Variants in DNAH9 observed in about 807,000 individuals in gnomAD.
The protein encoded by DNAH9 is dynein axonemal heavy chain 9, also known as DNAH9 variant protein.
DNAH9 carries 345 observed loss-of-function variants against 471.6 expected under a neutral mutation model. The observed-to-expected ratio is 0.73, with a 90% confidence interval of 0.67 to 0.80. The LOEUF (loss-of-function observed/expected upper bound fraction) is 0.80. DNAH9 is among the 30% of genes least tolerant of loss of function. The pLI is 0.00. For synonymous variants in DNAH9, 2,093 were observed against 2,123.6 expected (o/e 0.99, Z 0.40); for missense variants, 5,407 against 5,609.2 (o/e 0.96, Z 1.15).
At chr17:11,761,698 G>A (rs182247696) in intron 35 of DNAH9, among the ~76,000 whole-genome samples, 9 of 152,230 alleles carry the variant, frequency 5.9e-5, no homozygotes, top group South Asian at 2.1e-4. Flanking sequence ...AGCAAGTCTC[G>A]GGGGTTTTCC....
At chr17:11,609,082 C>T (rs11078023) in intron 2 of DNAH9, among the ~76,000 whole-genome samples, 56,802 of 152,078 alleles carry the variant, frequency 0.37, 11,829 homozygotes, top group South Asian at 0.62. Flanking sequence ...TGGCAACGGA[C>T]AGCCTTCCTA....
intron 9 of DNAH9, 29 bp downstream of exon 9, chr17:11,636,813 G>C (rs760648273): frequency 6.2e-7 from 1 of 1,606,030 alleles, no homozygotes; most frequent in East Asian, 2.2e-5. Flanking sequence ...ATTTTGATGG[G>C]GACATTCTGT....
chr17:11,608,398 C>A, intron 2 of DNAH9, 73 bp downstream of exon 2: 2 of 1,237,462 alleles, frequency 1.6e-6, no homozygotes, highest in Non-Finnish European at 2.3e-6. Flanking sequence ...GTTTTCCTTA[C>A]AACTTTTCTG....
chr17:11,606,830 A>G (rs867082904), intron 1 of DNAH9, among the ~76,000 whole-genome samples: 1 of 151,814 alleles, frequency 6.6e-6, no homozygotes, highest in Non-Finnish European at 1.5e-5. Context: ...ATCTGTAAGC[A>G]CTCTCCTCTC....
intron 39 of DNAH9, 21 bp from the exon 40 acceptor site, chr17:11,783,625 T>C: frequency 6.2e-7 from 1 of 1,601,890 alleles, no homozygotes; most frequent in African/African-American, 1.3e-5. Flanking sequence ...ACCTTTCACC[T>C]AGAGCTTCTG....
At chr17:11,843,806 G>A (rs1489059309) in intron 49 of DNAH9, among the ~76,000 whole-genome samples, 8 of 140,536 alleles carry the variant, frequency 5.7e-5, no homozygotes, top group Non-Finnish European at 1.2e-4. Flanking sequence ...TATAGTGATT[G>A]ATATGTATAT....
intron 17 of DNAH9, among the ~76,000 whole-genome samples, chr17:11,673,092 AC>A (rs1475348813): frequency 2.6e-5 from 4 of 152,034 alleles, no homozygotes; most frequent in Non-Finnish European, 4.4e-5. Context: ...GCAAAATCAA[AC>A]CAGTCTTCTG....
At chr17:11,805,610 C>T (rs1296491920) in intron 43 of DNAH9, among the ~76,000 whole-genome samples, 10 of 123,598 alleles carry the variant, frequency 8.1e-5, no homozygotes, top group Non-Finnish European at 9.6e-5. Flanking sequence ...TGCAGTGGAG[C>T]GATCTTGGCT....
chr17:11,870,404 A>C, intron 51 of DNAH9, among the ~76,000 whole-genome samples: 1 of 152,228 alleles, frequency 6.6e-6, no homozygotes, highest in Middle Eastern at 3.2e-3. Context: ...AGTGAAGGGA[A>C]GTACATTCCA....
At chr17:11,832,308 A>C (rs1970708727) in intron 48 of DNAH9, among the ~76,000 whole-genome samples, 1 of 152,186 alleles carries the variant, frequency 6.6e-6, no homozygotes, top group Admixed American at 6.5e-5. Flanking sequence ...GTCATAAGCC[A>C]TATCTGCAAT....
At chr17:11,729,717 GAT>G (rs2075224662) in intron 28 of DNAH9, among the ~76,000 whole-genome samples, 1 of 152,194 alleles carries the variant, frequency 6.6e-6, no homozygotes, top group South Asian at 2.1e-4. Context: ...GGCGGGGAAA[GAT>G]GACTGAGCCA....
At chr17:11,877,358 A>G (rs1972534771) in intron 53 of DNAH9, among the ~76,000 whole-genome samples, 1 of 150,862 alleles carries the variant, frequency 6.6e-6, no homozygotes. Context: ...CTGTAATCCC[A>G]GCTACTCAGG....
At chr17:11,904,082 TAAG>T (rs1274229178) in intron 60 of DNAH9, among the ~76,000 whole-genome samples, 2 of 152,108 alleles carry the variant, frequency 1.3e-5, no homozygotes, top group Non-Finnish European at 2.9e-5. Flanking sequence ...TCCTAACATT[TAAG>T]AAGTTTCCAA....
rs1172936668 is a variant in DNAH9 at position 11,626,884 on chromosome 17, A to T, written c.1351-2533A>T. ...ATAGGCAAGTCAAAGAACAAACAGC[A>T]TACATTCTTTCACTCAACAAATGTG... On this transcript the variant is annotated intron_variant, in intron 6 of 68. Coordinates refer to ENST00000262442, the MANE Select transcript of DNAH9 (RefSeq NM_001372.4). This position sits in a 1 kb window ranked among gnomAD's most constrained non-coding sequence, Gnocchi z 4.3. 2.0e-5 allele frequency among the ~76,000 whole-genome samples: 3 copies of T among 152,186 alleles called. No homozygotes were observed. Among genetic ancestry groups the T allele is most frequent in the Non-Finnish European group, 4.4e-5 (3 of 68,030 alleles).
intron 1 of DNAH9, 90 bp downstream of exon 1, chr17:11,599,005 C>CCTGTGGGGGG: frequency 1.2e-5 from 3 of 245,104 alleles, no homozygotes; most frequent in Non-Finnish European, 1.8e-5. Flanking sequence ...CCAGAGGGGG[C>CCTGTGGGGGG]GGGGCGAAGC....
At chr17:11,758,944 G>C (rs1449070078) in intron 35 of DNAH9, among the ~76,000 whole-genome samples, 1 of 152,168 alleles carries the variant, frequency 6.6e-6, no homozygotes, top group Non-Finnish European at 1.5e-5. Context: ...GTGGCCTTGG[G>C]ATGTAATGGG....
At chr17:11,688,321 T>G (rs944044220) in intron 19 of DNAH9, among the ~76,000 whole-genome samples, 1 of 151,892 alleles carries the variant, frequency 6.6e-6, no homozygotes, top group African/African-American at 2.4e-5. Context: ...AGGTGTCGAG[T>G]GCAAGCCCAG....
intron 56 of DNAH9, chr17:11,884,274 G>A (rs550425681): frequency 5.5e-4 from 113 of 207,016 alleles, no homozygotes; most frequent in Non-Finnish European, 9.0e-4. Context: ...GTGCCCTACT[G>A]TGTGTAGCTT....
At chr17:11,950,087 T>C (rs534638571) in intron 67 of DNAH9, among the ~76,000 whole-genome samples, 1 of 152,148 alleles carries the variant, frequency 6.6e-6, no homozygotes, top group African/African-American at 2.4e-5. Context: ...ATTTTTAGAG[T>C]AACTTTAAGT....
Sources: gnomAD v4.1 joint callset for allele counts (sites outside exome capture counted in the v4.1 genomes callset) on GRCh38, gnomAD v4.1.1 for gene constraint, Gnocchi (gnomAD v3.1) non-coding constraint, MANE v1.5 for transcripts, NCBI Gene and HGNC (gene_info 2026-07-23, HGNC 2026-07-21) for gene names.